SNRNP48: variants seen among roughly 807,000 people sequenced by gnomAD.
SNRNP48 encodes small nuclear ribonucleoprotein U11/U12 subunit 48.
SNRNP48 carries 43 observed loss-of-function variants against 47.0 expected under a neutral mutation model. That is an observed-to-expected ratio of 0.92 (90% CI 0.72 to 1.18). The LOEUF (loss-of-function observed/expected upper bound fraction) is 1.18. Ranked by LOEUF, SNRNP48 falls within the 50% of genes most tolerant of loss-of-function variation. SNRNP48 has a pLI of 0.00. For synonymous variants in SNRNP48, 138 were observed against 144.0 expected (o/e 0.96, Z 0.30); for missense variants, 396 against 422.2 (o/e 0.94, Z 0.54).
In SNRNP48 at chr6:7,600,653, G is replaced by A. The variant is rs555060296; in HGVS notation, c.407-683G>A. The A allele has an allele frequency of 5.9e-5, 9 of 151,832 alleles. 1 individual carries two copies. In the South Asian group the frequency reaches 6.3e-4, roughly 11 times the overall value. The allele number at this position is 151,832 out of a possible 1,614,324, so 9.4% of individuals were successfully genotyped here. ...GATTTTAGAAAATTCTGTAACTACCGGGGGGCACTGCTATTAACTTTTTTC... is the reference window on the plus strand; with the variant it reads ...GATTTTAGAAAATTCTGTAACTACCAGGGGGCACTGCTATTAACTTTTTTC... On this transcript the variant is annotated intron_variant, in intron 4 of 8. Transcript: ENST00000342415.
In SNRNP48 at chr6:7,606,096, A is replaced by G. The variant is rs140454253; in HGVS notation, c.872A>G (p.Glu291Gly). Residue 291 changes from glutamate to glycine, a missense_variant, in exon 8 of 9, where the codon GAG becomes GGG. By Grantham distance (98) the Glu-to-Gly change is moderately conservative (BLOSUM62 -2). Transcript: ENST00000342415. Reference sequence around the variant, plus strand: ...TCTGGTGGAAGCTATTTGGATGCTGAGTGTTCACGACATAGAAGGGATAGG... The same window carrying G: ...TCTGGTGGAAGCTATTTGGATGCTGGGTGTTCACGACATAGAAGGGATAGG... ...RQSGGSYLDA[E>G]CSRHRRDRSR... The G allele has an allele frequency of 8.1e-4, 1,299 of 1,613,598 alleles. No individual in the cohort carries two copies. The highest frequency in any genetic ancestry group is 1.0e-3 in the Non-Finnish European group (1,214 of 1,179,890).
intron 8 of SNRNP48, among the ~76,000 whole-genome samples, chr6:7,606,986 C>T (rs927545995): frequency 1.3e-5 from 2 of 152,188 alleles, no homozygotes; most frequent in African/African-American, 4.8e-5. Flanking sequence ...TGATTCCATT[C>T]CCTTGTATAC....
intron 1 of SNRNP48, among the ~76,000 whole-genome samples, chr6:7,592,408 G>A (rs1229408373): frequency 1.3e-5 from 2 of 151,192 alleles, no homozygotes; most frequent in Non-Finnish European, 1.5e-5. Context: ...CAGTGGGGAG[G>A]TATGGAATTA....
intron 7 of SNRNP48, 54 bp from the exon 8 acceptor site, chr6:7,605,977 A>T: frequency 1.3e-6 from 2 of 1,535,822 alleles, no homozygotes; most frequent in Non-Finnish European, 8.8e-7. Context: ...CTGTGTACGT[A>T]TACTGGAGAC....
In SNRNP48 at chr6:7,606,060, A is replaced by T. The variant is rs776321641; in HGVS notation, c.836A>T (p.Asp279Val). ...KNEERRSASV[D>V]SRQSGGSYLD... ...GAAGAAAGGCGATCAGCTTCAGTAG[A>T]TTCACGGCAGTCTGGTGGAAGCTAT... The change falls in exon 8 of 9, where the codon GAT becomes GTT. Residue 279 changes from aspartate (D) to valine (V), a missense_variant. Transcript: ENST00000342415. 2 of 1,609,596 alleles carry T rather than the reference A, an allele frequency of 1.2e-6. No homozygotes were observed. The highest frequency in any genetic ancestry group is 1.7e-6 in the Non-Finnish European group (2 of 1,178,936).
chr6:7,601,553 T>A, intron 5 of SNRNP48, 29 bp downstream of exon 5: 6 of 1,508,678 alleles, frequency 4.0e-6, no homozygotes, highest in Non-Finnish European at 5.3e-6. Flanking sequence ...GGCTTTACAT[T>A]TCTTCATTAT....
Position 7,605,425 on chromosome 6 carries a change from A to G in SNRNP48, c.745A>G (p.Met249Val), listed in dbSNP as rs763863266. ...GATTCGAGATGTGATAAATGTGCAC[A>G]TGGAAGAACTCAGCAATCATTGGCA... ...EVIRDVINVH[M>V]EELSNHWQEE... Residue 249 changes from methionine to valine, a missense_variant, in exon 7 of 9, where the codon ATG becomes GTG. Physicochemically the swap from Met to Val is conservative, Grantham distance 21. Transcript: ENST00000342415. The G allele has an allele frequency of 6.2e-6, 10 of 1,614,140 alleles. No homozygotes were observed. The highest frequency in any genetic ancestry group is 2.2e-5 in the South Asian group (2 of 91,088).
intron 4 of SNRNP48, 21 bp from the exon 5 acceptor site, chr6:7,601,315 G>A: frequency 6.5e-7 from 1 of 1,542,848 alleles, no homozygotes; most frequent in Non-Finnish European, 8.7e-7. Context: ...GTTTATTCTT[G>A]TGATTTTATT....
intron 8 of SNRNP48, 74 bp downstream of exon 8, chr6:7,606,269 A>T: frequency 2.9e-6 from 4 of 1,380,822 alleles, no homozygotes; most frequent in Non-Finnish European, 3.9e-6. Flanking sequence ...TCTGTTGTAG[A>T]CCATGCTGAG....
intron 4 of SNRNP48, chr6:7,599,735 A>C (rs1759978003): frequency 7.8e-7 from 1 of 1,281,500 alleles, no homozygotes; most frequent in African/African-American, 1.5e-5. Flanking sequence ...AAAGATATGC[A>C]GTATCCTTTT....
chr6:7,599,664 CTT>C, intron 4 of SNRNP48: 1 of 1,276,910 alleles, frequency 7.8e-7, no homozygotes, highest in Non-Finnish European at 1.0e-6. Context: ...TGTACTTTTT[CTT>C]TTTCAGTAAT....
chr6:7,600,118 A>C (rs1759984143), intron 4 of SNRNP48: 1 of 993,348 alleles, frequency 1.0e-6, no homozygotes, highest in Non-Finnish European at 1.2e-6. Context: ...GATTGACTTG[A>C]AAGGGAACCC....
In SNRNP48 at chr6:7,602,640, C is replaced by A; in HGVS notation, c.613C>A (p.Pro205Thr). The change falls in exon 6 of 9, where the codon CCA becomes ACA. Residue 205 changes from proline (P) to threonine (T), a missense_variant. Transcript: ENST00000342415. The stretch of plus-strand genomic sequence containing the variant: ...TTCATTAGACAATAGTCGAAAAAGT[C>A]CAAAATCCTACCTTGAAATCCTGGC... ...KINQDNSRKS[P>T]KSYLEILAEV... 6.3e-7 allele frequency: 1 copy of A among 1,597,282 alleles called. No homozygotes were observed. Among genetic ancestry groups the A allele is most frequent in the East Asian group, 2.2e-5 (1 of 44,498 alleles).
At chr6:7,592,253 C>G (rs1168897056) in intron 1 of SNRNP48, among the ~76,000 whole-genome samples, 3 of 151,892 alleles carry the variant, frequency 2.0e-5, no homozygotes, top group Admixed American at 2.0e-4. Flanking sequence ...GTGACCAGAT[C>G]GGGAAGCCTC....
Position 7,594,301 on chromosome 6 carries a change from T to C in SNRNP48, c.331+142T>C, listed in dbSNP as rs142270703. ...CTTAAGAGAATGTAGAATTAATTAA[T>C]GTACAAGGCAACTAATTCACATAAT... On this transcript the variant is annotated intron_variant, in intron 3 of 8. Coordinates refer to ENST00000342415, the MANE Select transcript of SNRNP48 (RefSeq NM_152551.4). The C allele has an allele frequency of 3.5e-3, 1,524 of 436,066 alleles. 4 individuals carry two copies. Among genetic ancestry groups the C allele is most frequent in the Non-Finnish European group, 5.4e-3 (1,315 of 242,940 alleles). 27.0% of individuals were successfully genotyped at this position (436,066 alleles called of 1,614,324 possible).
rs1377452118 is a variant in SNRNP48, at chr6:7,605,429, A to G, written c.749A>G (p.Glu250Gly). ...VIRDVINVHM[E>G]ELSNHWQEEQ... Reference sequence around the variant, plus strand: ...CGAGATGTGATAAATGTGCACATGGAAGAACTCAGCAATCATTGGCAAGAA... The same window carrying G: ...CGAGATGTGATAAATGTGCACATGGGAGAACTCAGCAATCATTGGCAAGAA... The change falls in exon 7 of 9, where the codon GAA becomes GGA. Residue 250 changes from glutamate to glycine, a missense_variant. Glu to Gly is a moderately conservative substitution (Grantham distance 98, BLOSUM62 -2). Transcript: ENST00000342415. 1 of 1,614,162 alleles carries G rather than the reference A, an allele frequency of 6.2e-7. No homozygotes were observed. Among genetic ancestry groups the G allele is most frequent in the Non-Finnish European group, 8.5e-7 (1 of 1,180,006 alleles).
At chr6:7,601,203 T>G (rs17398289) in intron 4 of SNRNP48, 133 bp from the exon 5 acceptor site, 1 of 606,124 alleles carries the variant, frequency 1.6e-6, no homozygotes. Context: ...TGATATTTTG[T>G]ATACTTAGGG....
At position 7,606,155 on chromosome 6, in the gene SNRNP48, G is replaced by C; in HGVS notation, c.931G>C (p.Asp311His). The C allele has an allele frequency of 1.2e-6, 2 of 1,613,448 alleles. No individual in the cohort carries two copies. The highest frequency in any genetic ancestry group is 1.7e-6 in the Non-Finnish European group (2 of 1,179,782). The change falls in exon 8 of 9, where the codon GAT (aspartate) becomes CAT (histidine). Residue 311 changes from aspartate (D) to histidine (H), a missense_variant. Physicochemically the swap from Asp to His is moderately conservative, Grantham distance 81. Coordinates refer to ENST00000342415, the MANE Select transcript of SNRNP48 (RefSeq NM_152551.4). ...CCCACATAAAAGAAAAAGAAACAAA[G>C]ATAAGGATAAAAACTGTGAGTCGAG... is the stretch of plus-strand genomic sequence containing the variant. ...RSPHKRKRNK[D>H]KDKNCESRRR...
At chr6:7,590,596 T>C (rs1261861157) in intron 1 of SNRNP48, among the ~76,000 whole-genome samples, 183 bp downstream of exon 1, 1 of 152,154 alleles carries the variant, frequency 6.6e-6, no homozygotes, top group African/African-American at 2.4e-5. Flanking sequence ...CTGACGTCCC[T>C]GGGTTCCGGG....
Sources: gnomAD v4.1 joint callset for allele counts (sites outside exome capture counted in the v4.1 genomes callset) on GRCh38, gnomAD v4.1.1 for gene constraint, MANE v1.5 for transcripts, NCBI Gene and HGNC (gene_info 2026-07-23, HGNC 2026-07-21) for gene names.